SYT5: variants seen among roughly 807,000 people sequenced by gnomAD.
SYT5 encodes the protein synaptotagmin-5.
In SYT5, 29 loss-of-function variants were observed where a neutral mutation model predicts 36.0. The observed-to-expected ratio is 0.81, with a 90% CI of 0.60 to 1.10. The LOEUF is 1.10. Ranked by LOEUF, SYT5 falls within the 50% of genes least tolerant of loss-of-function variation. The probability of loss-of-function intolerance (pLI) is 0.00; values close to 1 mark genes in which losing one functional copy is unlikely to be tolerated. For missense variants in SYT5, 512 were observed against 516.0 expected (o/e 0.99, Z 0.08); for synonymous variants, 231 against 227.6 (o/e 1.02, Z -0.14).
At position 55,173,443 on chromosome 19, in the gene SYT5, G is replaced by A. The variant is rs1004430210; in HGVS notation, c.*41C>T. 7 of 1,319,634 alleles carry A rather than the reference G, an allele frequency of 5.3e-6. No individual in the cohort carries two copies. The highest frequency in any genetic ancestry group is 2.0e-5 in the South Asian group (1 of 49,862). 81.7% of individuals were successfully genotyped at this position (1,319,634 alleles called of 1,614,324 possible). A position where few individuals can be genotyped will look rare whatever the true frequency, so the allele number is the denominator to read the frequency against. On this transcript the variant is annotated 3_prime_UTR_variant, in exon 9 of 9. Transcript: ENST00000354308. This position sits in a 1 kb window ranked among gnomAD's most constrained non-coding sequence, Gnocchi z 5.4. ...GGCCGGTCTCGGGAGTCTGGGGTCAGGGGCTAGAGTCCAGGCTTGGCCGGG... is the reference window on the plus strand; with the variant it reads ...GGCCGGTCTCGGGAGTCTGGGGTCAAGGGCTAGAGTCCAGGCTTGGCCGGG...
rs1568877423 is a variant in SYT5, at chr19:55,175,720, A to C, written c.529T>G (p.Phe177Val). 1 of 1,613,640 alleles carries C rather than the reference A, an allele frequency of 6.2e-7. No homozygotes were observed. The highest frequency in any genetic ancestry group is 1.7e-5 in the Admixed American group (1 of 59,996). Residue 177 changes from phenylalanine (F) to valine (V), a missense_variant, in exon 5 of 9, where the codon TTC becomes GTC. Phe to Val is a conservative substitution (Grantham distance 50). Transcript: ENST00000354308. This position sits in a 1 kb window ranked among gnomAD's most constrained non-coding sequence, Gnocchi z 4.5. Reference protein sequence around the residue: ...QTLNPHFGETFAFKVPYVELG... With the variant: ...QTLNPHFGETVAFKVPYVELG... ...AGGCAGGAGCTCACCTTGAAGGCGA[A>C]GGTCTCCCCAAAGTGAGGGTTCAGC...
chr19:55,173,816 C>G lies in SYT5; in HGVS notation c.961-132G>C. ...GGGCTCGGGGCCCCGGAGCTCGGGA[C>G]GGGGGAGGGGGTGGGAGACGAGAGG... On this transcript the variant is annotated intron_variant, in intron 8 of 8. Transcript: ENST00000354308. The surrounding 1 kb of genome is among the most constrained non-coding windows in gnomAD (Gnocchi z 5.4). 1 of 917,700 alleles carries G rather than the reference C, an allele frequency of 1.1e-6. No individual in the cohort carries two copies. Among genetic ancestry groups the G allele is most frequent in the Non-Finnish European group, 1.5e-6 (1 of 682,048 alleles). The allele number at this position is 917,700 out of a possible 1,614,324, so 56.8% of individuals were successfully genotyped here. A position where few individuals can be genotyped will look rare whatever the true frequency, so the allele number is the denominator to read the frequency against.
In SYT5 at chr19:55,174,980, ATGTCCC is replaced by A. The variant is rs2086055735; in HGVS notation, c.722_727del (p.Gly241_Ile243delinsVal). 1.9e-6 allele frequency: 3 copies of A among 1,613,660 alleles called. No individual in the cohort carries two copies. Among genetic ancestry groups the A allele is most frequent in the Non-Finnish European group, 2.5e-6 (3 of 1,180,022 alleles). ...GGGGACATAGCGGAGGGAGAAGCAGATGTCCCCAAGCTTCTCCTGCTGAAAGGAGAG... is the reference window on the plus strand; with the variant it reads ...GGGGACATAGCGGAGGGAGAAGCAGACAAGCTTCTCCTGCTGAAAGGAGAG... On this transcript the variant is annotated inframe_deletion, in exon 7 of 9. Coordinates refer to ENST00000354308, the MANE Select transcript of SYT5 (RefSeq NM_003180.3).
rs1237897930 is a variant in SYT5 at position 55,175,364 on chromosome 19, T to C, written c.541-25A>G. ...CCTGGAGTGCACAGAGAATCCGCAGTAGAGAGCAGGAAGTCAGAGATAGGG... is the reference window on the plus strand; with the variant it reads ...CCTGGAGTGCACAGAGAATCCGCAGCAGAGAGCAGGAAGTCAGAGATAGGG... On this transcript the variant is annotated intron_variant, in intron 5 of 8. Coordinates refer to ENST00000354308, the MANE Select transcript of SYT5 (RefSeq NM_003180.3). This position sits in a 1 kb window ranked among gnomAD's most constrained non-coding sequence, Gnocchi z 4.5. 1.3e-6 allele frequency: 2 copies of C among 1,509,342 alleles called. No homozygotes were observed. Among genetic ancestry groups the C allele is most frequent in the South Asian group, 1.3e-5 (1 of 74,850 alleles). The allele number at this position is 1,509,342 out of a possible 1,614,324, so 93.5% of individuals were successfully genotyped here. A position where few individuals can be genotyped will look rare whatever the true frequency, so the allele number is the denominator to read the frequency against.
In SYT5 at chr19:55,173,387, G is replaced by T; in HGVS notation, c.*97C>A. On this transcript the variant is annotated 3_prime_UTR_variant, in exon 9 of 9. Transcript: ENST00000354308. The surrounding 1 kb of genome is among the most constrained non-coding windows in gnomAD (Gnocchi z 5.4). ...AGGTGGGGGGAGGGTAACCGTCAGAGGAAGCTTAAGGGTGGGGCTGGCTTG... is the reference window on the plus strand; with the variant it reads ...AGGTGGGGGGAGGGTAACCGTCAGATGAAGCTTAAGGGTGGGGCTGGCTTG... 9.5e-7 allele frequency: 1 copy of T among 1,056,276 alleles called. No individual in the cohort carries two copies. Among genetic ancestry groups the T allele is most frequent in the African/African-American group, 1.7e-5 (1 of 60,206 alleles). 65.4% of individuals were successfully genotyped at this position (1,056,276 alleles called of 1,614,324 possible). A position where few individuals can be genotyped will look rare whatever the true frequency, so the allele number is the denominator to read the frequency against.
Position 55,175,810 on chromosome 19 carries a change from AG to A in SYT5, c.438del (p.Tyr147MetfsTer23). 6.2e-7 allele frequency: 1 copy of A among 1,614,070 alleles called. No homozygotes were observed. Among genetic ancestry groups the A allele is most frequent in the Non-Finnish European group, 8.5e-7 (1 of 1,179,990 alleles). The part of the protein sequence containing the change: ...AALDLGGSSD[P>X]YVRVYLLPDK... ...TCCGGCAGCAGGTAGACCCGCACAT[AG>A]GGGTCCGAGGAGCCACCAAGATCCA... On this transcript the variant is annotated frameshift_variant, in exon 5 of 9. Transcript: ENST00000354308. LOFTEE classifies it high-confidence loss of function. The surrounding 1 kb of genome is among the most constrained non-coding windows in gnomAD (Gnocchi z 4.5).
Position 55,174,665 on chromosome 19 carries a change from G to A in SYT5, c.827-15C>T, listed in dbSNP as rs377510099. 2.5e-5 allele frequency: 40 copies of A among 1,613,912 alleles called. No homozygotes were observed. Among genetic ancestry groups the A allele is most frequent in the Non-Finnish European group, 3.2e-5 (38 of 1,179,982 alleles). On this transcript the variant is annotated splice_polypyrimidine_tract_variant and intron_variant, in intron 7 of 8. Transcript: ENST00000354308. The stretch of plus-strand genomic sequence containing the variant: ...GACGTATGGATCTGGGGAGAGGAAG[G>A]AGGAGTCTTATAGCTCCCCACTGCT...
rs2086016522 is a variant in SYT5, at chr19:55,172,514, AAAAAG to A, written c.*965_*969del. ...AAAGACAGAAAGAAAACAAAAAGGA[AAAAAG>A]AAAAGAAAAAAGAAAGAGGTGAAGT... On this transcript the variant is annotated 3_prime_UTR_variant, in exon 9 of 9. Transcript: ENST00000354308. The A allele has an allele frequency of 6.6e-6, 1 of 152,190 alleles. No individual in the cohort carries two copies. Among genetic ancestry groups the A allele is most frequent in the Admixed American group, 6.5e-5 (1 of 15,270 alleles). The allele number at this position is 152,190 out of a possible 1,614,324, so 9.4% of individuals were successfully genotyped here.
Position 55,173,349 on chromosome 19 carries a change from T to C in SYT5, c.*135A>G. 1.6e-6 allele frequency: 1 copy of C among 617,798 alleles called. No individual in the cohort carries two copies. The allele number at this position is 617,798 out of a possible 1,614,324, so 38.3% of individuals were successfully genotyped here. A position where few individuals can be genotyped will look rare whatever the true frequency, so the allele number is the denominator to read the frequency against. ...GGTGAGAAGACAGGAATGGTTCAGA[T>C]GGTTGGGGTGGAAGGTGGGGGGAGG... On this transcript the variant is annotated 3_prime_UTR_variant, in exon 9 of 9. Coordinates refer to ENST00000354308, the MANE Select transcript of SYT5 (RefSeq NM_003180.3). This position sits in a 1 kb window ranked among gnomAD's most constrained non-coding sequence, Gnocchi z 5.4.
rs1178435940 is a variant in SYT5 at position 55,175,020 on chromosome 19, C to T, written c.709-21G>A. 1 of 1,609,174 alleles carries T rather than the reference C, an allele frequency of 6.2e-7. No individual in the cohort carries two copies. ...TCCTGCTGAAAGGAGAGGGGCCCAT[C>T]ACCAGAGCCCCGGCTCCACATCCAT... is the stretch of plus-strand genomic sequence containing the variant. On this transcript the variant is annotated intron_variant, in intron 6 of 8. Coordinates refer to ENST00000354308, the MANE Select transcript of SYT5 (RefSeq NM_003180.3). The surrounding 1 kb of genome is among the most constrained non-coding windows in gnomAD (Gnocchi z 4.5).
intron 3 of SYT5, among the ~76,000 whole-genome samples, chr19:55,177,746 G>T (rs1191887956): frequency 6.6e-6 from 1 of 152,168 alleles, no homozygotes; most frequent in East Asian, 1.9e-4. Context: ...AGTAGAGACA[G>T]GGTTTCATCA....
Position 55,179,134 on chromosome 19 carries a change from C to A in SYT5, c.-45-48G>T. Reference sequence around the variant, plus strand: ...GACGTCCTTTGAGCCCCACGCACAACAAAGAACTCCAACTCCCATGAGGCC... The same window carrying A: ...GACGTCCTTTGAGCCCCACGCACAAAAAAGAACTCCAACTCCCATGAGGCC... On this transcript the variant is annotated intron_variant, in intron 1 of 8. Transcript: ENST00000354308. This position sits in a 1 kb window ranked among gnomAD's most constrained non-coding sequence, Gnocchi z 4.5. 6.5e-7 allele frequency: 1 copy of A among 1,540,796 alleles called. No homozygotes were observed. Among genetic ancestry groups the A allele is most frequent in the Non-Finnish European group, 8.7e-7 (1 of 1,147,076 alleles).
Position 55,175,207 on chromosome 19 carries a change from C to T in SYT5, c.673G>A (p.Ala225Thr), listed in dbSNP as rs2086060863. ...SSVDLGRPVQ[A>T]WRELQAAPRE... ...GGAGCCGCCTGCAGCTCCCGCCAGG[C>T]CTGCACTGGCCGCCCCAGGTCCACG... Residue 225 changes from alanine (A) to threonine (T), a missense_variant, in exon 6 of 9, where the codon GCC becomes ACC. Ala to Thr is a moderately conservative substitution (Grantham distance 58). Coordinates refer to ENST00000354308, the MANE Select transcript of SYT5 (RefSeq NM_003180.3). This position sits in a 1 kb window ranked among gnomAD's most constrained non-coding sequence, Gnocchi z 4.5. The T allele has an allele frequency of 4.3e-6, 7 of 1,609,870 alleles. No individual in the cohort carries two copies. The highest frequency in any genetic ancestry group is 2.7e-5 in the African/African-American group (2 of 74,810).
At chr19:55,176,907 T>G (rs2147332519) in intron 3 of SYT5, among the ~76,000 whole-genome samples, 1 of 152,254 alleles carries the variant, frequency 6.6e-6, no homozygotes, top group South Asian at 2.1e-4. Flanking sequence ...AGAGGGACAG[T>G]GAGTTCTCCA....
chr19:55,173,933 A>G lies in SYT5; in HGVS notation c.961-249T>C. ...ATGAACCCTCAGGACTCGGTTGCGG[A>G]GCGGGTGTGTTCGGCGCCTCCTGGG... On this transcript the variant is annotated intron_variant, in intron 8 of 8. Transcript: ENST00000354308. This position sits in a 1 kb window ranked among gnomAD's most constrained non-coding sequence, Gnocchi z 5.4. 2.5e-6 allele frequency: 1 copy of G among 406,952 alleles called. No individual in the cohort carries two copies. The highest frequency in any genetic ancestry group is 4.3e-6 in the Non-Finnish European group (1 of 234,490). 25.2% of individuals were successfully genotyped at this position (406,952 alleles called of 1,614,324 possible). A position where few individuals can be genotyped will look rare whatever the true frequency, so the allele number is the denominator to read the frequency against.
chr19:55,178,633 A>T (rs930965776), intron 2 of SYT5, among the ~76,000 whole-genome samples: 1 of 151,018 alleles, frequency 6.6e-6, no homozygotes, highest in Non-Finnish European at 1.5e-5. Flanking sequence ...TCAACTCCTG[A>T]TGCTTTTACA....
In SYT5 at chr19:55,175,323, A is replaced by T; in HGVS notation, c.557T>A (p.Leu186Gln). The change falls in exon 6 of 9, where the codon CTG (leucine) becomes CAG (glutamine). Residue 186 changes from leucine (L) to glutamine (Q), a missense_variant. Transcript: ENST00000354308. The surrounding 1 kb of genome is among the most constrained non-coding windows in gnomAD (Gnocchi z 4.5). ...TFAFKVPYVE[L>Q]GGRVLVMAVY... is the part of the protein sequence containing the mutation. ...CGCCATGACCAGCACCCTGCCCCCC[A>T]GCTCCACGTAGGGGACCTGGAGTGC... The T allele has an allele frequency of 6.5e-7, 1 of 1,542,836 alleles. No homozygotes were observed. Among genetic ancestry groups the T allele is most frequent in the Non-Finnish European group, 8.7e-7 (1 of 1,147,080 alleles).
Position 55,178,190 on chromosome 19 carries a change from C to A in SYT5, c.252+6G>T, listed in dbSNP as rs772462763. 1.9e-6 allele frequency: 3 copies of A among 1,605,224 alleles called. No individual in the cohort carries two copies. Among genetic ancestry groups the A allele is most frequent in the Admixed American group, 1.7e-5 (1 of 58,362 alleles). On this transcript the variant is annotated splice_donor_region_variant and intron_variant, in intron 3 of 8. Transcript: ENST00000354308. ...GGCCAGGTGGAGGGGCTGGGCTGGG[C>A]CACACCTTGTCTATGTAACTCTGGC...
intron 3 of SYT5, 38 bp downstream of exon 3, chr19:55,178,158 G>A (rs568540486): frequency 9.4e-6 from 15 of 1,593,892 alleles, no homozygotes; most frequent in African/African-American, 2.7e-5. Flanking sequence ...AGCAGGGTGC[G>A]GGAAGGGGCC....
Sources: gnomAD v4.1 joint callset for allele counts (sites outside exome capture counted in the v4.1 genomes callset) on GRCh38, gnomAD v4.1.1 for gene constraint, Gnocchi (gnomAD v3.1) non-coding constraint, MANE v1.5 for transcripts, NCBI Gene and HGNC (gene_info 2026-07-23, HGNC 2026-07-21) for gene names.